DAGLA: variants seen among roughly 807,000 people sequenced by gnomAD.
The protein encoded by DAGLA is diacylglycerol lipase alpha, also known as diacylglycerol lipase-alpha.
Under a neutral mutation model 102.6 loss-of-function variants are expected in DAGLA, and 22 were observed. The ratio of observed to expected loss-of-function variants is 0.21; its 90% CI spans 0.15 to 0.31. DAGLA has a LOEUF of 0.31. Ranked by LOEUF, DAGLA falls within the 10% of genes least tolerant of loss-of-function variation. DAGLA has a pLI of 1.00. For synonymous variants in DAGLA, 578 were observed against 628.9 expected (o/e 0.92, Z 1.21); for missense variants, 927 against 1,446.6 (o/e 0.64, Z 5.83).
At chr11:61,737,485 G>A (rs936245483) in intron 14 of DAGLA, among the ~76,000 whole-genome samples, 161 bp downstream of exon 14, 4 of 152,072 alleles carry the variant, frequency 2.6e-5, no homozygotes, top group Admixed American at 6.5e-5. Flanking sequence ...AATGCCATGC[G>A]CCCCCCAGGA....
At chr11:61,691,415 A>T (rs1051326232) in intron 1 of DAGLA, among the ~76,000 whole-genome samples, 8 of 152,182 alleles carry the variant, frequency 5.3e-5, no homozygotes, top group Non-Finnish European at 1.0e-4. Context: ...GGCACACAAA[A>T]CTGAGTCTGG....
chr11:61,731,343 C>G lies in DAGLA; in HGVS notation c.876C>G (p.Val292=). ...NSQEMLRYKE[V]CYYMLFALAA... ...AAGAGATGCTCCGCTACAAAGAGGT[C>G]TGCTACTACATGCTCTTTGCCCTGG... Residue 292 remains valine (V), a synonymous_variant, in exon 9 of 20, where the codon GTC becomes GTG. Transcript: ENST00000257215. The G allele has an allele frequency of 6.2e-7, 1 of 1,614,120 alleles. No homozygotes were observed. Among genetic ancestry groups the G allele is most frequent in the Non-Finnish European group, 8.5e-7 (1 of 1,180,006 alleles).
At chr11:61,691,736 C>T (rs555346180) in intron 1 of DAGLA, among the ~76,000 whole-genome samples, 47 of 152,300 alleles carry the variant, frequency 3.1e-4, no homozygotes, top group Non-Finnish European at 5.4e-4. Context: ...AATGGGAAAC[C>T]GCAGGGGGTG....
At position 61,731,444 on chromosome 11, in the gene DAGLA, G is replaced by T; in HGVS notation, c.974+3G>T. The stretch of plus-strand genomic sequence containing the variant: ...TGCCAACTGGCTCGGTCCTGCTCGT[G>T]AGTACCCCTGTCCCATCCCCCAGCG... On this transcript the variant is annotated splice_donor_region_variant and intron_variant, in intron 9 of 19. Transcript: ENST00000257215. The T allele has an allele frequency of 6.2e-7, 1 of 1,613,158 alleles. No homozygotes were observed. The highest frequency in any genetic ancestry group is 1.1e-5 in the South Asian group (1 of 91,048).
chr11:61,695,583 C>A (rs1291332404), intron 1 of DAGLA, among the ~76,000 whole-genome samples: 2 of 152,198 alleles, frequency 1.3e-5, no homozygotes, highest in Non-Finnish European at 2.9e-5. Context: ...ACTGGTCTGG[C>A]GAGTTTGTGG....
intron 18 of DAGLA, 46 bp downstream of exon 18, chr11:61,740,638 C>T: frequency 1.2e-6 from 2 of 1,602,164 alleles, no homozygotes; most frequent in Non-Finnish European, 1.7e-6. Context: ...AAGGCACTGT[C>T]ACCCCATCAG....
At chr11:61,708,303 C>T (rs546948616) in intron 1 of DAGLA, among the ~76,000 whole-genome samples, 5 of 152,016 alleles carry the variant, frequency 3.3e-5, no homozygotes, top group Non-Finnish European at 7.4e-5. Flanking sequence ...CCACCGCGCC[C>T]GACTTGGGGG....
Position 61,686,869 on chromosome 11 carries a change from C to G in DAGLA, c.-45+6365C>G, listed in dbSNP as rs947957178. ...CTGCACCTCCCAGCCCCTGGCTGCT[C>G]CTGATGGGCAGGCCACACCGTGGAG... On this transcript the variant is annotated intron_variant, in intron 1 of 19. Transcript: ENST00000257215. The surrounding 1 kb of genome is among the most constrained non-coding windows in gnomAD (Gnocchi z 5.2). Among the ~76,000 whole-genome samples the G allele has an allele frequency of 2.6e-5, 4 of 152,138 alleles. No individual in the cohort carries two copies. Among genetic ancestry groups the G allele is most frequent in the African/African-American group, 9.7e-5 (4 of 41,422 alleles).
intron 1 of DAGLA, among the ~76,000 whole-genome samples, chr11:61,690,254 T>G (rs1386604283): frequency 6.6e-6 from 1 of 152,254 alleles, no homozygotes; most frequent in Admixed American, 6.5e-5. Context: ...TCGCTGGGAC[T>G]GGGGCCAGAC....
chr11:61,735,534 C>A (rs1188835473), intron 10 of DAGLA, 27 bp from the exon 11 acceptor site: 2 of 1,610,458 alleles, frequency 1.2e-6, no homozygotes, highest in Non-Finnish European at 1.7e-6. Context: ...CAGGGCCGCT[C>A]AGGCTCACGA....
intron 1 of DAGLA, among the ~76,000 whole-genome samples, chr11:61,693,179 A>G (rs2065037997): frequency 6.6e-6 from 1 of 151,746 alleles, no homozygotes; most frequent in Non-Finnish European, 1.5e-5. Flanking sequence ...TATTTTTAGT[A>G]CAGACGGGGT....
In DAGLA at chr11:61,686,120, A is replaced by G. The variant is rs1039787330; in HGVS notation, c.-45+5616A>G. Among the ~76,000 whole-genome samples, 2 of 151,978 alleles carry G rather than the reference A, an allele frequency of 1.3e-5. No individual in the cohort carries two copies. The highest frequency in any genetic ancestry group is 4.8e-5 in the African/African-American group (2 of 41,398). On this transcript the variant is annotated intron_variant, in intron 1 of 19. Coordinates refer to ENST00000257215, the MANE Select transcript of DAGLA (RefSeq NM_006133.3). The surrounding 1 kb of genome is among the most constrained non-coding windows in gnomAD (Gnocchi z 5.2). ...AGGTACAGAGGGCTTGAACCAGGGC[A>G]GTGGCCACTCTGCAGGGGAAAGGGG...
At chr11:61,699,605 A>C (rs867075100) in intron 1 of DAGLA, among the ~76,000 whole-genome samples, 4 of 152,242 alleles carry the variant, frequency 2.6e-5, no homozygotes, top group Non-Finnish European at 4.4e-5. Context: ...CTCCAGGCCT[A>C]GGTCCGCCTC....
At chr11:61,735,035 G>T in intron 10 of DAGLA, 33 bp downstream of exon 10, 1 of 1,603,998 alleles carries the variant, frequency 6.2e-7, no homozygotes. Context: ...CCTGGTGTCA[G>T]GAGCAGGCAG....
intron 1 of DAGLA, among the ~76,000 whole-genome samples, chr11:61,694,812 A>G (rs2065051177): frequency 6.6e-6 from 1 of 152,182 alleles, no homozygotes; most frequent in African/African-American, 2.4e-5. Flanking sequence ...CTTTCAAAGT[A>G]ATAGTTGGGT....
Position 61,744,248 on chromosome 11 carries a change from A to C in DAGLA, c.2888A>C (p.Gln963Pro), listed in dbSNP as rs745555295. The C allele has an allele frequency of 6.2e-7, 1 of 1,613,038 alleles. No homozygotes were observed. Among genetic ancestry groups the C allele is most frequent in the Non-Finnish European group, 8.5e-7 (1 of 1,179,958 alleles). Residue 963 changes from glutamine (Q) to proline (P), a missense_variant, in exon 20 of 20, where the codon CAG becomes CCG. Gln to Pro is a moderately conservative substitution (Grantham distance 76). Around this residue, in one of 4 missense-constraint regions of DAGLA, gnomAD observed 434 missense variants for 503.3 expected, o/e 0.86. Coordinates refer to ENST00000257215, the MANE Select transcript of DAGLA (RefSeq NM_006133.3). ...PSQQEILLRA[Q>P]FEPNLVPKPP... ...CAGCAAGAGATCCTGCTCCGTGCCC[A>C]GTTCGAGCCCAACCTGGTGCCCAAG...
In DAGLA at chr11:61,744,380, G is replaced by C. The variant is rs1380773814; in HGVS notation, c.3020G>C (p.Gly1007Ala). ...GAGCTCATGGACCTGACGCCCACGGGCCTCAGTAGCCAGGAATGCCTGGCG... is the reference window on the plus strand; with the variant it reads ...GAGCTCATGGACCTGACGCCCACGGCCCTCAGTAGCCAGGAATGCCTGGCG... ...SGELMDLTPT[G>A]LSSQECLAAD... Residue 1007 changes from glycine to alanine, a missense_variant, in exon 20 of 20, where the codon GGC (glycine) becomes GCC (alanine). Gly to Ala is a moderately conservative substitution (Grantham distance 60, BLOSUM62 0). Coordinates refer to ENST00000257215, the MANE Select transcript of DAGLA (RefSeq NM_006133.3). 1 of 1,611,450 alleles carries C rather than the reference G, an allele frequency of 6.2e-7. No homozygotes were observed. Among genetic ancestry groups the C allele is most frequent in the Non-Finnish European group, 8.5e-7 (1 of 1,179,012 alleles).
chr11:61,737,202 C>A lies in DAGLA; in HGVS notation c.1392C>A (p.Tyr464Ter). ...TCCAGGGCCGCGGAACCAAACACTA[C>A]GGCCTGATTGTGGTGGGCCACTCCC... ...GRDLGRGTKH[Y>*]GLIVVGHSLG... Residue 464 changes from tyrosine to a stop codon, truncating the protein, a stop_gained, in exon 14 of 20, where the codon TAC becomes TAA. Transcript: ENST00000257215. LOFTEE classifies it high-confidence loss of function. The A allele has an allele frequency of 6.2e-7, 1 of 1,613,514 alleles. No individual in the cohort carries two copies. Among genetic ancestry groups the A allele is most frequent in the Non-Finnish European group, 8.5e-7 (1 of 1,180,016 alleles).
At chr11:61,724,900 T>C (rs1374709140) in intron 5 of DAGLA, among the ~76,000 whole-genome samples, 1 of 152,048 alleles carries the variant, frequency 6.6e-6, no homozygotes, top group Non-Finnish European at 1.5e-5. Flanking sequence ...CCTGCACCCT[T>C]CCCTACCTGC....
Sources: gnomAD v4.1 joint callset for allele counts (sites outside exome capture counted in the v4.1 genomes callset) on GRCh38, gnomAD v4.1.1 for gene constraint, gnomAD v4.1.1 regional missense constraint, Gnocchi (gnomAD v3.1) non-coding constraint, MANE v1.5 for transcripts, NCBI Gene and HGNC (gene_info 2026-07-23, HGNC 2026-07-21) for gene names.